Variants in DLGAP2 observed in about 807,000 individuals in gnomAD.
The protein encoded by DLGAP2 is DLG associated protein 2, also known as disks large-associated protein 2.
DLGAP2 carries 26 observed loss-of-function variants against 100.3 expected under a neutral mutation model. That is an observed-to-expected ratio of 0.26 (90% CI 0.19 to 0.36). The LOEUF is 0.36. Ranked by LOEUF, DLGAP2 falls within the 10% of genes least tolerant of loss-of-function variation. The pLI, the probability that DLGAP2 is intolerant of heterozygous loss-of-function variation, is 1.00. For synonymous variants in DLGAP2, 886 were observed against 630.1 expected (o/e 1.41, Z -6.08); for missense variants, 1,858 against 1,453.2 (o/e 1.28, Z -4.53).
intron 2 of DLGAP2, among the ~76,000 whole-genome samples, chr8:1,097,608 C>A (rs544518457): frequency 7.2e-6 from 1 of 138,652 alleles, no homozygotes; most frequent in Non-Finnish European, 1.5e-5. Context: ...GAGGTCCCCT[C>A]CAGTGTGAGA....
In DLGAP2 at chr8:1,349,929, C is replaced by A. The variant is rs551807345; in HGVS notation, c.106+91046C>A. On this transcript the variant is annotated intron_variant, in intron 3 of 14. Coordinates refer to ENST00000637795, the MANE Select transcript of DLGAP2 (RefSeq NM_001346810.2). ...AAAACAAACACATTTGCCTATATCT[C>A]TAGGCAGATTCTTACAAATATGCTG... 4.2e-4 allele frequency among the ~76,000 whole-genome samples: 64 copies of A among 152,306 alleles called. 1 individual carries two copies. The South Asian group carries it at 0.013, about 31-fold the overall frequency.
chr8:1,026,535 C>T lies in DLGAP2; in HGVS notation c.73+118569C>T, dbSNP rs774941306. ...TGCCAGTTTTTCTAATTATCTTTTTCCTTTTCTTTGCAGGTTGTCTTATAT... is the reference window on the plus strand; with the variant it reads ...TGCCAGTTTTTCTAATTATCTTTTTTCTTTTCTTTGCAGGTTGTCTTATAT... On this transcript the variant is annotated intron_variant, in intron 2 of 14. Transcript: ENST00000637795. 2.5e-3 allele frequency among the ~76,000 whole-genome samples: 377 copies of T among 152,254 alleles called. 2 individuals carry two copies. Among genetic ancestry groups the T allele is most frequent in the Middle Eastern group, 6.8e-3 (2 of 294 alleles).
At chr8:1,318,322 A>G (rs1228664182) in intron 3 of DLGAP2, among the ~76,000 whole-genome samples, 1 of 152,116 alleles carries the variant, frequency 6.6e-6, no homozygotes, top group African/African-American at 2.4e-5. Context: ...GTATAGCTTT[A>G]TCAGTTCAGC....
chr8:1,646,259 C>T (rs1481794752), intron 8 of DLGAP2, among the ~76,000 whole-genome samples: 2 of 152,158 alleles, frequency 1.3e-5, no homozygotes, highest in Non-Finnish European at 2.9e-5. Flanking sequence ...CTGCGACTTG[C>T]ACCATGAGCC....
At chr8:1,698,394 C>A (rs1051839284) in intron 14 of DLGAP2, among the ~76,000 whole-genome samples, 1 of 149,130 alleles carries the variant, frequency 6.7e-6, no homozygotes, top group Admixed American at 6.7e-5. Context: ...GTAAGCCATG[C>A]GTGGGACTAG....
At chr8:1,372,345 A>G (rs1256872412) in intron 3 of DLGAP2, among the ~76,000 whole-genome samples, 1 of 151,916 alleles carries the variant, frequency 6.6e-6, no homozygotes, top group Non-Finnish European at 1.5e-5. Flanking sequence ...ACACTGTTTA[A>G]TGTGCTTCCA....
intron 1 of DLGAP2, among the ~76,000 whole-genome samples, chr8:774,199 GT>G (rs918706277): frequency 6.6e-6 from 1 of 152,032 alleles, no homozygotes; most frequent in Non-Finnish European, 1.5e-5. Flanking sequence ...GAGGTTGTTT[GT>G]TTTTTTCTTG....
intron 8 of DLGAP2, among the ~76,000 whole-genome samples, chr8:1,657,584 A>T (rs7826897): frequency 6.6e-6 from 1 of 152,114 alleles, no homozygotes; most frequent in African/African-American, 2.4e-5. Flanking sequence ...TTTTAACTTT[A>T]ATGAGCCATG....
chr8:1,463,775 C>T lies in DLGAP2; in HGVS notation c.107-37591C>T, dbSNP rs544606644. On this transcript the variant is annotated intron_variant, in intron 3 of 14. Transcript: ENST00000637795. ...TCCTCCGTCAGATGGGCCTGGAGCA[C>T]GGGGTGGGCGAGCAGGTGCAGCCAC... Among the ~76,000 whole-genome samples the T allele has an allele frequency of 1.6e-4, 24 of 152,320 alleles. 1 individual carries two copies. Among genetic ancestry groups the T allele is most frequent in the Admixed American group, 9.8e-4 (15 of 15,310 alleles).
chr8:1,171,628 C>A (rs1044008669), intron 2 of DLGAP2, among the ~76,000 whole-genome samples: 2 of 152,118 alleles, frequency 1.3e-5, no homozygotes, highest in African/African-American at 4.8e-5. Flanking sequence ...ATCCCTTTAC[C>A]ATTATGTAAT....
At chr8:1,030,918 G>A (rs904404924) in intron 2 of DLGAP2, among the ~76,000 whole-genome samples, 6 of 152,202 alleles carry the variant, frequency 3.9e-5, no homozygotes, top group Non-Finnish European at 7.3e-5. Context: ...TCTGAGAAGG[G>A]CGCAAGGTCG....
intron 2 of DLGAP2, among the ~76,000 whole-genome samples, chr8:1,043,001 G>A (rs542463508): frequency 7.3e-6 from 1 of 136,246 alleles, no homozygotes; most frequent in African/African-American, 2.7e-5. Flanking sequence ...GATGTGGGTG[G>A]TGGGTGTGGG....
chr8:1,589,593 C>T (rs908173084), intron 6 of DLGAP2, among the ~76,000 whole-genome samples: 2 of 152,160 alleles, frequency 1.3e-5, no homozygotes, highest in African/African-American at 4.8e-5. Flanking sequence ...CGCCACCATG[C>T]CCAGCTAATT....
chr8:1,641,113 G>A (rs181138077), intron 8 of DLGAP2, among the ~76,000 whole-genome samples: 72 of 152,306 alleles, frequency 4.7e-4, no homozygotes, highest in African/African-American at 1.6e-3. Context: ...GTGCTGTAGA[G>A]AAGGAGTGGA....
Position 1,258,858 on chromosome 8 carries a change from G to A in DLGAP2, c.81G>A (p.Gln27=), listed in dbSNP as rs969652444. Reference sequence around the variant, plus strand: ...CTCTGTCTCTGTTTTCAGAGTCGCAGTGCACGCTCTGCGGGGAGCCGGAAG... The same window carrying A: ...CTCTGTCTCTGTTTTCAGAGTCGCAATGCACGCTCTGCGGGGAGCCGGAAG... ...CILPDRNTES[Q]CTLCGEPEEE... The change falls in exon 3 of 15, where the codon CAG becomes CAA. Residue 27 remains glutamine, a synonymous_variant. Transcript: ENST00000637795. The A allele has an allele frequency of 4.1e-6, 5 of 1,231,664 alleles. No individual in the cohort carries two copies. Among genetic ancestry groups the A allele is most frequent in the Admixed American group, 8.4e-5 (2 of 23,700 alleles). 76.3% of individuals were successfully genotyped at this position (1,231,664 alleles called of 1,614,324 possible).
intron 2 of DLGAP2, chr8:1,105,140 C>G (rs1015972418): frequency 1.3e-5 from 2 of 152,246 alleles, no homozygotes; most frequent in Non-Finnish European, 2.9e-5. Context: ...CAGGCTCATA[C>G]TTTATCCTGA....
At chr8:966,947 T>G (rs1308610919) in intron 2 of DLGAP2, among the ~76,000 whole-genome samples, 1 of 152,262 alleles carries the variant, frequency 6.6e-6, no homozygotes, top group Non-Finnish European at 1.5e-5. Context: ...ATCAGATAAA[T>G]CTACTGGCCA....
At chr8:1,009,095 C>G (rs1801205088) in intron 2 of DLGAP2, among the ~76,000 whole-genome samples, 1 of 152,180 alleles carries the variant, frequency 6.6e-6, no homozygotes, top group African/African-American at 2.4e-5. Flanking sequence ...GCTGCACAGC[C>G]CAGCCTGGGG....
intron 3 of DLGAP2, among the ~76,000 whole-genome samples, chr8:1,415,917 C>G (rs994233051): frequency 3.3e-5 from 5 of 152,122 alleles, no homozygotes; most frequent in Non-Finnish European, 4.4e-5. Flanking sequence ...TACAATCCCA[C>G]AAACAGGGTA....
Sources: allele counts gnomAD v4.1 joint callset (sites outside exome capture counted in the v4.1 genomes callset), GRCh38; gene constraint gnomAD v4.1.1; transcripts MANE v1.5; gene names NCBI Gene and HGNC (gene_info 2026-07-23, HGNC 2026-07-21).